The following FOXN2 variants were observed in gnomAD, a reference collection of about 807,000 sequenced individuals.
FOXN2 encodes forkhead box N2, also known as forkhead box protein N2.
FOXN2 carries 19 observed loss-of-function variants against 41.2 expected under a neutral mutation model. That is an observed-to-expected ratio of 0.46 (90% confidence interval 0.32 to 0.68). The LOEUF is 0.68. FOXN2 is among the 30% of genes least tolerant of loss of function. The pLI, the probability that FOXN2 is intolerant of heterozygous loss-of-function variation, is 0.03. For synonymous variants in FOXN2, 195 were observed against 176.8 expected (o/e 1.10, Z -0.82); for missense variants, 587 against 509.4 (o/e 1.15, Z -1.47).
chr2:48,355,997 C>A (rs1440392034), intron 3 of FOXN2, among the ~76,000 whole-genome samples: 2 of 152,178 alleles, frequency 1.3e-5, no homozygotes, highest in Non-Finnish European at 2.9e-5. Flanking sequence ...GTGGCACTTA[C>A]ACCTGTAATT....
chr2:48,335,551 A>AGCAAAAACATTAAAGATCATGG (rs11268660), intron 2 of FOXN2, among the ~76,000 whole-genome samples: 2 of 151,846 alleles, frequency 1.3e-5, no homozygotes, highest in Non-Finnish European at 2.9e-5. Flanking sequence ...AGAATTCTAT[A>AGCAAAAACATTAAAGATCATGG]GCAAAAACAT....
Position 48,375,215 on chromosome 2 carries a change from T to A in FOXN2, c.1068T>A (p.Asp356Glu). 7 of 1,614,122 alleles carry A rather than the reference T, an allele frequency of 4.3e-6. 2 individuals carry two copies. The East Asian group carries it at 1.6e-4, about 36-fold the overall frequency. Residue 356 changes from aspartate (D) to glutamate (E), a missense_variant, in exon 7 of 7, where the codon GAT becomes GAA. By Grantham distance (45) the Asp-to-Glu change is conservative (BLOSUM62 2). Transcript: ENST00000340553. ...GFHSEEDTDV[D>E]YEDDPLGDSG... ...ACAGTGAAGAAGATACAGACGTTGA[T>A]TATGAAGATGATCCTCTTGGAGACA...
chr2:48,356,932 G>A (rs1179989059), intron 3 of FOXN2, among the ~76,000 whole-genome samples: 2 of 152,146 alleles, frequency 1.3e-5, no homozygotes, highest in African/African-American at 4.8e-5. Flanking sequence ...TGTTTCCGTA[G>A]CACAGAAGGC....
At chr2:48,334,796 G>A (rs1468077924) in intron 2 of FOXN2, among the ~76,000 whole-genome samples, 1 of 152,182 alleles carries the variant, frequency 6.6e-6, no homozygotes, top group African/African-American at 2.4e-5. Flanking sequence ...GAGCCCCATT[G>A]TACTGTACCT....
At chr2:48,317,568 G>T (rs1030794285) in intron 1 of FOXN2, among the ~76,000 whole-genome samples, 26 of 127,396 alleles carry the variant, frequency 2.0e-4, no homozygotes, top group Non-Finnish European at 3.7e-4. Context: ...CTACAGATGT[G>T]TACAATGCCT....
chr2:48,336,225 G>GA (rs150343963), intron 2 of FOXN2, among the ~76,000 whole-genome samples: 2,400 of 151,736 alleles, frequency 0.016, 64 homozygotes, highest in African/African-American at 0.055. Context: ...CCAACATGGT[G>GA]AAACCCAGTG....
At position 48,346,431 on chromosome 2, in the gene FOXN2, A is replaced by G. The variant is rs1671104397; in HGVS notation, c.217A>G (p.Ser73Gly). 3 of 1,614,100 alleles carry G rather than the reference A, an allele frequency of 1.9e-6. No homozygotes were observed. The highest frequency in any genetic ancestry group is 1.1e-5 in the South Asian group (1 of 91,094). Residue 73 changes from serine to glycine, a missense_variant, in exon 3 of 7, where the codon AGC becomes GGC. Transcript: ENST00000340553. ...HESTNLLTNF[S>G]LGSEGLPIVS... ...AAGCACTAATCTTCTAACAAACTTCAGCCTCGGAAGTGAGGGTCTTCCAAT... is the reference window on the plus strand; with the variant it reads ...AAGCACTAATCTTCTAACAAACTTCGGCCTCGGAAGTGAGGGTCTTCCAAT...
At chr2:48,329,168 A>AGGGGCC (rs1669870660) in intron 2 of FOXN2, among the ~76,000 whole-genome samples, 1 of 152,204 alleles carries the variant, frequency 6.6e-6, no homozygotes, top group African/African-American at 2.4e-5. Flanking sequence ...GAAAGAGACG[A>AGGGGCC]ATGACTACAC....
chr2:48,375,125 G>A lies in FOXN2; in HGVS notation c.978G>A (p.Val326=). ...CTAGCGTGTCTTCCCTGTCTTCTGT[G>A]GATGAGGTATATGAATTTATCCCAA... ...SRSSVSSLSS[V]DEVYEFIPKN... The change falls in exon 7 of 7, where the codon GTG becomes GTA. Residue 326 remains valine (V), a synonymous_variant. Transcript: ENST00000340553. 1 of 1,614,066 alleles carries A rather than the reference G, an allele frequency of 6.2e-7. No individual in the cohort carries two copies. The highest frequency in any genetic ancestry group is 8.5e-7 in the Non-Finnish European group (1 of 1,179,976).
chr2:48,313,890 C>A (rs1016122137), upstream of FOXN2, among the ~76,000 whole-genome samples: 1 of 152,122 alleles, frequency 6.6e-6, no homozygotes, highest in Non-Finnish European at 1.5e-5. Context: ...TTCTGAAATT[C>A]AGGTTTAAAT....
chr2:48,325,498 A>C (rs902863967), intron 1 of FOXN2, among the ~76,000 whole-genome samples: 2 of 150,280 alleles, frequency 1.3e-5, no homozygotes, highest in Non-Finnish European at 3.0e-5. Context: ...CCGAAAGGAA[A>C]TGTAGATCTC....
intron 2 of FOXN2, among the ~76,000 whole-genome samples, chr2:48,334,037 T>A (rs1307316200): frequency 2.0e-5 from 3 of 152,070 alleles, no homozygotes; most frequent in Non-Finnish European, 4.4e-5. Flanking sequence ...AGGACTAAGA[T>A]ATGGAAGTAA....
intron 5 of FOXN2, among the ~76,000 whole-genome samples, chr2:48,366,257 GC>G (rs1256216880): frequency 6.6e-6 from 1 of 151,912 alleles, no homozygotes; most frequent in African/African-American, 2.4e-5. Context: ...TACTCAGGAG[GC>G]TGAGGCAGGA....
At chr2:48,369,407 G>A (rs753988748) in intron 5 of FOXN2, among the ~76,000 whole-genome samples, 3 of 151,998 alleles carry the variant, frequency 2.0e-5, no homozygotes, top group African/African-American at 7.2e-5. Flanking sequence ...CTGTGGTTGC[G>A]AGTGCCTGTA....
chr2:48,332,549 C>T (rs938453851), intron 2 of FOXN2, among the ~76,000 whole-genome samples: 1 of 152,034 alleles, frequency 6.6e-6, no homozygotes, highest in African/African-American at 2.4e-5. Context: ...TGTCATTGGT[C>T]GTGAGGGAGA....
Position 48,376,087 on chromosome 2 carries a change from CA to C in FOXN2, c.*646del, listed in dbSNP as rs1202388616. 6.6e-6 allele frequency: 1 copy of C among 152,136 alleles called. No individual in the cohort carries two copies. The highest frequency in any genetic ancestry group is 1.5e-5 in the Non-Finnish European group (1 of 68,026). The allele number at this position is 152,136 out of a possible 1,614,324, so 9.4% of individuals were successfully genotyped here. On this transcript the variant is annotated 3_prime_UTR_variant, in exon 7 of 7. Transcript: ENST00000340553. ...GACAATTTTGTGGTGTCATTTCATC[CA>C]AGAACACTCCCAATTCCTATTAGAA...
chr2:48,333,544 C>T (rs557619912), intron 2 of FOXN2, among the ~76,000 whole-genome samples: 1 of 152,060 alleles, frequency 6.6e-6, no homozygotes, highest in Non-Finnish European at 1.5e-5. Context: ...GGGGGAATCA[C>T]GAAGTTTATG....
chr2:48,328,046 C>T (rs1277835301), intron 1 of FOXN2, among the ~76,000 whole-genome samples: 1 of 152,126 alleles, frequency 6.6e-6, no homozygotes, highest in Non-Finnish European at 1.5e-5. Flanking sequence ...TGCTTCTTTT[C>T]AGTGGAGCAA....
At chr2:48,340,455 G>A (rs1490914644) in intron 2 of FOXN2, among the ~76,000 whole-genome samples, 7 of 151,940 alleles carry the variant, frequency 4.6e-5, no homozygotes, top group Non-Finnish European at 1.0e-4. Flanking sequence ...AACATTGAAC[G>A]TAATATGCAG....
Sources: gnomAD v4.1 joint callset for allele counts (sites outside exome capture counted in the v4.1 genomes callset) on GRCh38, gnomAD v4.1.1 for gene constraint, MANE v1.5 for transcripts, NCBI Gene and HGNC (gene_info 2026-07-23, HGNC 2026-07-21) for gene names.